SLC18A2: variants seen among roughly 807,000 people sequenced by gnomAD.
SLC18A2 encodes synaptic vesicular amine transporter.
Under a neutral mutation model 59.2 loss-of-function variants are expected in SLC18A2, and 33 were observed. That is an observed-to-expected ratio of 0.56 (90% confidence interval 0.42 to 0.75). The LOEUF is 0.75. Among genes scored for constraint, SLC18A2 ranks in the 30% least tolerant of loss-of-function variants. The probability of loss-of-function intolerance (pLI) is 0.00; values close to 1 mark genes in which losing one functional copy is unlikely to be tolerated. For missense variants in SLC18A2, 569 were observed against 668.6 expected (o/e 0.85, Z 1.64); for synonymous variants, 228 against 253.5 (o/e 0.90, Z 0.95).
At chr10:117,258,969 C>G (rs1396091114) in intron 10 of SLC18A2, among the ~76,000 whole-genome samples, 1 of 152,140 alleles carries the variant, frequency 6.6e-6, no homozygotes, top group East Asian at 1.9e-4. Context: ...CAATTTCTGA[C>G]ATTGTCCACC....
chr10:117,243,875 T>C (rs1844080321), intron 2 of SLC18A2, 96 bp from the exon 3 acceptor site: 2 of 986,286 alleles, frequency 2.0e-6, no homozygotes, highest in African/African-American at 1.6e-5. Context: ...TGTGAGCCAC[T>C]GCTCCCTGCC....
At chr10:117,264,899 C>A (rs1279444239) in intron 10 of SLC18A2, among the ~76,000 whole-genome samples, 1 of 152,136 alleles carries the variant, frequency 6.6e-6, no homozygotes, top group Non-Finnish European at 1.5e-5. Flanking sequence ...AGTTCCAGGT[C>A]CCCAGAGCAT....
intron 10 of SLC18A2, among the ~76,000 whole-genome samples, chr10:117,261,319 G>A (rs1844292189): frequency 6.6e-6 from 1 of 152,174 alleles, no homozygotes; most frequent in South Asian, 2.1e-4. Context: ...TATTACCTGA[G>A]CCCAGGAGAC....
intron 10 of SLC18A2, 139 bp from the exon 11 acceptor site, chr10:117,266,594 G>A (rs918400155): frequency 1.5e-5 from 10 of 677,510 alleles, no homozygotes; most frequent in South Asian, 4.1e-5. Context: ...GGCAGGCGCC[G>A]GATATTAGCT....
intron 3 of SLC18A2, among the ~76,000 whole-genome samples, chr10:117,251,597 T>C (rs1844163114): frequency 6.6e-6 from 1 of 152,248 alleles, no homozygotes; most frequent in Non-Finnish European, 1.5e-5. Flanking sequence ...TGGGAATCTG[T>C]CATGCTTGTG....
intron 13 of SLC18A2, chr10:117,268,192 T>C (rs1323741793): frequency 6.4e-6 from 1 of 156,198 alleles, no homozygotes; most frequent in Admixed American, 6.3e-5. Flanking sequence ...TGGGCTTTTG[T>C]AATGTTAAGA....
intron 9 of SLC18A2, among the ~76,000 whole-genome samples, chr10:117,256,223 G>T (rs887665606): frequency 1.3e-5 from 2 of 152,202 alleles, no homozygotes; most frequent in East Asian, 3.9e-4. Flanking sequence ...AAGCACTGGG[G>T]TTTTGTGACT....
chr10:117,278,685 G>C lies in SLC18A2; in HGVS notation c.*1419G>C, dbSNP rs1431669754. 6.6e-6 allele frequency: 1 copy of C among 152,194 alleles called. No homozygotes were observed. Among genetic ancestry groups the C allele is most frequent in the African/African-American group, 2.4e-5 (1 of 41,442 alleles). 9.4% of individuals were successfully genotyped at this position (152,194 alleles called of 1,614,324 possible). On this transcript the variant is annotated 3_prime_UTR_variant, in exon 16 of 16. Transcript: ENST00000644641. ...CGACATCAAGGAGCAAAGAACTTTA[G>C]AACAGACTCCTCAATCTTGTGACTT...
intron 5 of SLC18A2, 40 bp from the exon 6 acceptor site, chr10:117,254,365 C>A (rs184073339): frequency 6.6e-7 from 1 of 1,505,708 alleles, no homozygotes; most frequent in South Asian, 1.3e-5. Context: ...TTTTGCTGTT[C>A]CCCGGAGCTG....
intron 10 of SLC18A2, among the ~76,000 whole-genome samples, chr10:117,264,099 A>G (rs540687390): frequency 3.5e-4 from 53 of 152,328 alleles, no homozygotes; most frequent in African/African-American, 1.3e-3. Context: ...AGGCTTCGTG[A>G]TGACCGGAGC....
At chr10:117,268,843 T>TATGC in intron 13 of SLC18A2, among the ~76,000 whole-genome samples, 1 of 151,792 alleles carries the variant, frequency 6.6e-6, no homozygotes, top group East Asian at 2.0e-4. Flanking sequence ...TGTGTGTGTG[T>TATGC]ATGCATGTGT....
At chr10:117,259,639 C>T (rs756580600) in intron 10 of SLC18A2, among the ~76,000 whole-genome samples, 1 of 152,232 alleles carries the variant, frequency 6.6e-6, no homozygotes, top group Non-Finnish European at 1.5e-5. Flanking sequence ...GGTTGGAAAT[C>T]ATTTCCCTTG....
chr10:117,277,548 A>G lies in SLC18A2; in HGVS notation c.*282A>G, dbSNP rs565650958. On this transcript the variant is annotated 3_prime_UTR_variant, in exon 16 of 16. Coordinates refer to ENST00000644641, the MANE Select transcript of SLC18A2 (RefSeq NM_003054.6). ...ATTTTGATGAAATAGGTATTGTGTA[A>G]ATCTATAAATATTTGAATCCAAACC... is the stretch of plus-strand genomic sequence containing the variant. The G allele has an allele frequency of 4.2e-4, 79 of 186,846 alleles. 1 individual carries two copies. Among genetic ancestry groups the G allele is most frequent in the Non-Finnish European group, 5.6e-4 (51 of 91,170 alleles). 11.6% of individuals were successfully genotyped at this position (186,846 alleles called of 1,614,324 possible). A position where few individuals can be genotyped will look rare whatever the true frequency, so the allele number is the denominator to read the frequency against.
intron 10 of SLC18A2, among the ~76,000 whole-genome samples, chr10:117,263,512 G>T (rs971034262): frequency 6.6e-6 from 1 of 152,202 alleles, no homozygotes; most frequent in Non-Finnish European, 1.5e-5. Context: ...TTTTTTAGGG[G>T]TAGTAAAGAT....
chr10:117,257,603 A>C (rs1844244647), intron 9 of SLC18A2, among the ~76,000 whole-genome samples, 194 bp from the exon 10 acceptor site: 1 of 152,204 alleles, frequency 6.6e-6, no homozygotes, highest in Non-Finnish European at 1.5e-5. Flanking sequence ...AGTTGTTTAA[A>C]ATGAGGACGA....
intron 9 of SLC18A2, among the ~76,000 whole-genome samples, chr10:117,257,072 A>T (rs971671529): frequency 6.6e-6 from 1 of 152,132 alleles, no homozygotes; most frequent in Admixed American, 6.5e-5. Flanking sequence ...GAATGAACAG[A>T]CCTTTCTTCA....
chr10:117,241,360 AGGGCGCAAGGTGCAC>A (rs1259940089), intron 1 of SLC18A2, 140 bp downstream of exon 1: 1 of 211,638 alleles, frequency 4.7e-6, no homozygotes, highest in Non-Finnish European at 9.3e-6. Flanking sequence ...CGCAGGGCGC[AGGGCGCAAGGTGCAC>A]GGGGCCGAGC....
chr10:117,270,237 T>C (rs770329408), intron 14 of SLC18A2, 47 bp downstream of exon 14: 31 of 1,613,282 alleles, frequency 1.9e-5, no homozygotes, highest in Non-Finnish European at 2.5e-5. Flanking sequence ...CAATACGTAA[T>C]GGATAACGTC....
At chr10:117,276,980 T>G (rs1844505717) in intron 15 of SLC18A2, among the ~76,000 whole-genome samples, 182 bp from the exon 16 acceptor site, 1 of 152,194 alleles carries the variant, frequency 6.6e-6, no homozygotes, top group South Asian at 2.1e-4. Context: ...TTGCCTGGAA[T>G]TTTTAGAGTG....
Sources: allele counts gnomAD v4.1 joint callset (sites outside exome capture counted in the v4.1 genomes callset), GRCh38; gene constraint gnomAD v4.1.1; transcripts MANE v1.5; gene names NCBI Gene and HGNC (gene_info 2026-07-23, HGNC 2026-07-21).